ANO4: variants seen among roughly 807,000 people sequenced by gnomAD.
ANO4 encodes anoctamin-4.
A neutral mutation model predicts 141.9 loss-of-function variants in ANO4; 69 were observed. That is an observed-to-expected ratio of 0.49 (90% confidence interval 0.40 to 0.59). ANO4 has a LOEUF of 0.59. ANO4 is among the 20% of genes least tolerant of loss of function. The probability of loss-of-function intolerance (pLI) is 0.00; values close to 1 mark genes in which losing one functional copy is unlikely to be tolerated. For synonymous variants in ANO4, 350 were observed against 394.3 expected (o/e 0.89, Z 1.33); for missense variants, 894 against 1,162.2 (o/e 0.77, Z 3.36).
At chr12:101,099,435 T>G (rs2050108083) in intron 21 of ANO4, 143 bp from the exon 22 acceptor site, 1 of 717,672 alleles carries the variant, frequency 1.4e-6, no homozygotes, top group Admixed American at 2.9e-5. Flanking sequence ...GTTATTTTCT[T>G]CCTAACCTGA....
In ANO4 at chr12:100,815,306, A is replaced by T. The variant is rs375488235; in HGVS notation, c.-141+20279A>T. ...ATTTTTCTGAGCTTTCAGAGTTGTC[A>T]TGGCCAGTATTTGTCGTAATGATAT... On this transcript the variant is annotated intron_variant, in intron 1 of 27. Transcript: ENST00000392977. Among the ~76,000 whole-genome samples the T allele has an allele frequency of 5.3e-5, 8 of 152,136 alleles. No individual in the cohort carries two copies. The East Asian group carries it at 1.5e-3, about 29-fold the overall frequency.
chr12:101,070,698 C>A (rs1593187215), intron 14 of ANO4, among the ~76,000 whole-genome samples: 2 of 152,086 alleles, frequency 1.3e-5, no homozygotes, highest in East Asian at 3.9e-4. Context: ...TTCTACACAG[C>A]AAAGGAAACA....
chr12:101,126,927 C>T lies in ANO4; in HGVS notation c.2725C>T (p.Leu909Phe). 1 of 1,614,124 alleles carries T rather than the reference C, an allele frequency of 6.2e-7. No homozygotes were observed. Among genetic ancestry groups the T allele is most frequent in the Non-Finnish European group, 8.5e-7 (1 of 1,179,996 alleles). ...KHLISYLIPD[L>F]PKDLRDRMRR... ...CCTCATTTCATATCTGATCCCAGAC[C>T]TCCCAAAAGACCTAAGGGATCGAAT... is the stretch of plus-strand genomic sequence containing the variant. The change falls in exon 27 of 28, where the codon CTC becomes TTC. Residue 909 changes from leucine to phenylalanine, a missense_variant. By Grantham distance (22) the Leu-to-Phe change is conservative. Coordinates refer to ENST00000392977, the MANE Select transcript of ANO4 (RefSeq NM_001286615.2).
intron 2 of ANO4, chr12:100,739,710 T>C: frequency 1.6e-6 from 1 of 624,772 alleles, no homozygotes; most frequent in Non-Finnish European, 2.9e-6. Context: ...AGAGGGATGA[T>C]GCCTGCCTGT....
intron 1 of ANO4, among the ~76,000 whole-genome samples, chr12:100,863,596 T>G (rs2038594636): frequency 6.6e-6 from 1 of 152,180 alleles, no homozygotes; most frequent in Admixed American, 6.5e-5. Flanking sequence ...TAAAGTTTAT[T>G]TATAGATAAG....
At chr12:100,942,945 C>T (rs536225370) in intron 5 of ANO4, among the ~76,000 whole-genome samples, 9 of 152,282 alleles carry the variant, frequency 5.9e-5, no homozygotes, top group Non-Finnish European at 1.2e-4. Context: ...TGGGCATCCT[C>T]GTACACCAGA....
At chr12:100,938,999 C>T (rs1244170765) in intron 3 of ANO4, among the ~76,000 whole-genome samples, 1 of 152,134 alleles carries the variant, frequency 6.6e-6, no homozygotes, top group Non-Finnish European at 1.5e-5. Context: ...AATCAAAGTA[C>T]CTTATGCCAA....
At chr12:101,122,159 ATAT>A (rs1260489192) in intron 26 of ANO4, among the ~76,000 whole-genome samples, 4 of 151,922 alleles carry the variant, frequency 2.6e-5, no homozygotes, top group South Asian at 2.1e-4. Flanking sequence ...GCATTTTTTC[ATAT>A]TATTGTTGTC....
intron 1 of ANO4, among the ~76,000 whole-genome samples, chr12:100,816,956 A>T (rs2135722378): frequency 6.7e-6 from 1 of 148,990 alleles, no homozygotes; most frequent in Middle Eastern, 3.5e-3. Context: ...TTTTTAAAAA[A>T]TAGAGATTAG....
Position 100,833,635 on chromosome 12 carries a change from T to A in ANO4, c.-141+38608T>A, listed in dbSNP as rs546346280. ...TGCTTACACTCCCTTGAAACCACACTTTGATCTTGTCTCAAATCTAAGCTC... is the reference window on the plus strand; with the variant it reads ...TGCTTACACTCCCTTGAAACCACACATTGATCTTGTCTCAAATCTAAGCTC... On this transcript the variant is annotated intron_variant, in intron 1 of 27. Transcript: ENST00000392977. Among the ~76,000 whole-genome samples, 25 of 152,268 alleles carry A rather than the reference T, an allele frequency of 1.6e-4. No individual in the cohort carries two copies. The South Asian group carries it at 2.9e-3, about 18-fold the overall frequency.
chr12:101,125,070 G>A (rs1317780526), intron 26 of ANO4, among the ~76,000 whole-genome samples: 3 of 152,092 alleles, frequency 2.0e-5, no homozygotes, highest in South Asian at 2.1e-4. Flanking sequence ...GCAGATGGCC[G>A]TTTTCACAAT....
At chr12:101,081,972 G>A (rs1566221703) in intron 15 of ANO4, among the ~76,000 whole-genome samples, 1 of 152,088 alleles carries the variant, frequency 6.6e-6, no homozygotes, top group East Asian at 1.9e-4. Context: ...TCCACATATG[G>A]TCACATTCAG....
chr12:101,106,011 G>A (rs1415859307), intron 22 of ANO4, among the ~76,000 whole-genome samples: 1 of 152,214 alleles, frequency 6.6e-6, no homozygotes, highest in East Asian at 1.9e-4. Flanking sequence ...GGAGGCTGAT[G>A]CAGAGAATCA....
intron 1 of ANO4, among the ~76,000 whole-genome samples, chr12:100,875,799 G>A (rs2039271713): frequency 6.6e-6 from 1 of 152,152 alleles, no homozygotes; most frequent in African/African-American, 2.4e-5. Context: ...GCAACTGGGA[G>A]GATAAAGGAT....
intron 22 of ANO4, among the ~76,000 whole-genome samples, chr12:101,102,517 T>A (rs2050231106): frequency 6.6e-6 from 1 of 152,210 alleles, no homozygotes; most frequent in African/African-American, 2.4e-5. Context: ...AACTTGTGAA[T>A]TTATATTCAA....
At chr12:100,828,491 A>G (rs1481347636) in intron 1 of ANO4, among the ~76,000 whole-genome samples, 1 of 152,078 alleles carries the variant, frequency 6.6e-6, no homozygotes, top group Non-Finnish European at 1.5e-5. Context: ...GATTTTAAGA[A>G]AAATGATTTT....
chr12:101,026,697 C>T (rs1454179552), intron 9 of ANO4, among the ~76,000 whole-genome samples: 1 of 151,850 alleles, frequency 6.6e-6, no homozygotes, highest in Non-Finnish European at 1.5e-5. Flanking sequence ...AACCCATATG[C>T]AAAAAAATGA....
At position 100,861,654 on chromosome 12, in the gene ANO4, G is replaced by A. The variant is rs374195314; in HGVS notation, c.-140-39992G>A. Among the ~76,000 whole-genome samples, 4 of 152,072 alleles carry A rather than the reference G, an allele frequency of 2.6e-5. No individual in the cohort carries two copies. In the East Asian group the frequency reaches 7.7e-4, roughly 29 times the overall value. On this transcript the variant is annotated intron_variant, in intron 1 of 27. Transcript: ENST00000392977. ...CATCCTACATTTAGTCTACACTAAG[G>A]TTAAATTTTTTTGTTTCTTCACTGT...
At chr12:100,905,919 C>A (rs901948956) in intron 2 of ANO4, among the ~76,000 whole-genome samples, 3 of 151,994 alleles carry the variant, frequency 2.0e-5, no homozygotes, top group African/African-American at 4.8e-5. Context: ...CTAATAAGTT[C>A]TTTTCCTATG....
Sources: gnomAD v4.1 joint callset for allele counts (sites outside exome capture counted in the v4.1 genomes callset) on GRCh38, gnomAD v4.1.1 for gene constraint, MANE v1.5 for transcripts, NCBI Gene and HGNC (gene_info 2026-07-23, HGNC 2026-07-21) for gene names.